SLC25A21: variants seen among roughly 807,000 people sequenced by gnomAD.
SLC25A21 encodes solute carrier family 25 member 21.
Under a neutral mutation model 43.8 loss-of-function variants are expected in SLC25A21, and 47 were observed. The ratio of observed to expected loss-of-function variants is 1.07; its 90% CI spans 0.85 to 1.37. The LOEUF (loss-of-function observed/expected upper bound fraction) is 1.37, where lower values mean the gene tolerates loss of function less well. Among genes scored for constraint, SLC25A21 ranks in the 40% most tolerant of loss-of-function variants. SLC25A21 has a pLI of 0.00. For missense variants in SLC25A21, 352 were observed against 350.2 expected, an observed-to-expected ratio of 1.00 and a Z score of -0.04; for synonymous variants, 131 against 121.3, an observed-to-expected ratio of 1.08 and a Z score of -0.52.
intron 1 of SLC25A21, among the ~76,000 whole-genome samples, chr14:37,110,150 C>A (rs1480170317): frequency 6.6e-6 from 1 of 152,196 alleles, no homozygotes; most frequent in Non-Finnish European, 1.5e-5. Flanking sequence ...GTGAACACTA[C>A]TTCAGACTTT....
intron 1 of SLC25A21, among the ~76,000 whole-genome samples, chr14:37,016,980 T>C (rs1240450139): frequency 1.3e-5 from 2 of 152,104 alleles, no homozygotes; most frequent in African/African-American, 4.8e-5. Flanking sequence ...GGGAAGGCCA[T>C]GGCTCGTTTG....
chr14:37,122,393 G>C (rs60439332), intron 1 of SLC25A21, among the ~76,000 whole-genome samples: 1 of 152,094 alleles, frequency 6.6e-6, no homozygotes, highest in Non-Finnish European at 1.5e-5. Context: ...TCCCTTATTC[G>C]TTCAAAAGAA....
chr14:36,722,096 G>A (rs551902046), intron 6 of SLC25A21, among the ~76,000 whole-genome samples: 2 of 152,232 alleles, frequency 1.3e-5, no homozygotes, highest in East Asian at 1.9e-4. Context: ...TACCCACGTG[G>A]CCATTGAGCA....
intron 1 of SLC25A21, among the ~76,000 whole-genome samples, chr14:37,042,588 A>G (rs1961497566): frequency 6.6e-6 from 1 of 152,226 alleles, no homozygotes; most frequent in Admixed American, 6.5e-5. Flanking sequence ...ATATGTCTGT[A>G]GAAGATAAAT....
At chr14:36,727,007 C>T (rs1405689426) in intron 5 of SLC25A21, among the ~76,000 whole-genome samples, 1 of 152,150 alleles carries the variant, frequency 6.6e-6, no homozygotes, top group Non-Finnish European at 1.5e-5. Context: ...GACAGGAGGT[C>T]TAGGTTTAGG....
At chr14:36,708,776 G>A (rs1883696380) in intron 7 of SLC25A21, among the ~76,000 whole-genome samples, 2 of 144,672 alleles carry the variant, frequency 1.4e-5, no homozygotes, top group African/African-American at 2.6e-5. Flanking sequence ...GTAGCGATGA[G>A]GTCTCACTAT....
At chr14:36,996,435 T>A (rs1960373787) in intron 1 of SLC25A21, among the ~76,000 whole-genome samples, 1 of 152,158 alleles carries the variant, frequency 6.6e-6, no homozygotes, top group Non-Finnish European at 1.5e-5. Context: ...AAGCCTAGAT[T>A]CTTTACTTTC....
intron 1 of SLC25A21, among the ~76,000 whole-genome samples, chr14:36,997,598 G>GTAATCCCCCACTT (rs1960399112): frequency 6.6e-6 from 1 of 152,158 alleles, no homozygotes; most frequent in Non-Finnish European, 1.5e-5. Context: ...GGAAGCTGAG[G>GTAATCCCCCACTT]TGGGTAGATC....
chr14:37,063,061 G>A (rs1033494717), intron 1 of SLC25A21, among the ~76,000 whole-genome samples: 1 of 152,124 alleles, frequency 6.6e-6, no homozygotes, highest in Non-Finnish European at 1.5e-5. Flanking sequence ...GCCCAGCAAA[G>A]GGGGAAGCCC....
chr14:37,041,356 T>C (rs1387468660), intron 1 of SLC25A21, among the ~76,000 whole-genome samples: 1 of 152,138 alleles, frequency 6.6e-6, no homozygotes, highest in African/African-American at 2.4e-5. Flanking sequence ...CCCATGTGCA[T>C]TATCAAAATG....
chr14:36,706,172 A>G (rs778000770), intron 7 of SLC25A21, among the ~76,000 whole-genome samples: 1 of 152,160 alleles, frequency 6.6e-6, no homozygotes, highest in Non-Finnish European at 1.5e-5. Context: ...GGGGGAAAAA[A>G]TTCCTCCTGC....
intron 1 of SLC25A21, among the ~76,000 whole-genome samples, chr14:37,062,058 G>C (rs1701826075): frequency 6.6e-6 from 1 of 152,222 alleles, no homozygotes; most frequent in African/African-American, 2.4e-5. Flanking sequence ...TCCACTGATA[G>C]GTTCTGCTAC....
chr14:36,685,906 A>G (rs533432396), intron 7 of SLC25A21, among the ~76,000 whole-genome samples: 5 of 152,276 alleles, frequency 3.3e-5, no homozygotes, highest in Admixed American at 1.3e-4. Context: ...AAGAGAGGTC[A>G]TATCACATAC....
intron 1 of SLC25A21, among the ~76,000 whole-genome samples, chr14:36,902,347 G>T (rs1463019040): frequency 1.3e-5 from 2 of 152,102 alleles, no homozygotes; most frequent in African/African-American, 4.8e-5. Context: ...CACAGGTAGG[G>T]TCAAAGATGA....
intron 3 of SLC25A21, among the ~76,000 whole-genome samples, chr14:36,745,856 C>T (rs961761880): frequency 1.3e-5 from 2 of 152,038 alleles, no homozygotes; most frequent in African/African-American, 4.8e-5. Flanking sequence ...TGAAAACATG[C>T]TCAACATCAC....
intron 1 of SLC25A21, among the ~76,000 whole-genome samples, chr14:36,974,048 A>T (rs1440006516): frequency 6.6e-6 from 1 of 152,242 alleles, no homozygotes; most frequent in Admixed American, 6.5e-5. Flanking sequence ...CAACATTTTA[A>T]TAAAAGGATT....
At chr14:36,946,116 CAAG>C (rs1254411589) in intron 1 of SLC25A21, among the ~76,000 whole-genome samples, 1 of 152,086 alleles carries the variant, frequency 6.6e-6, no homozygotes, top group East Asian at 1.9e-4. Context: ...AGATTTATAG[CAAG>C]AAGCAAGTAG....
intron 3 of SLC25A21, among the ~76,000 whole-genome samples, chr14:36,764,274 A>C (rs2139286143): frequency 6.6e-6 from 1 of 151,944 alleles, no homozygotes; most frequent in East Asian, 1.9e-4. Flanking sequence ...TCGGTCCAAT[A>C]ACAATGCCAC....
chr14:36,756,356 T>G (rs1184933966), intron 3 of SLC25A21, among the ~76,000 whole-genome samples: 1 of 152,204 alleles, frequency 6.6e-6, no homozygotes, highest in Non-Finnish European at 1.5e-5. Flanking sequence ...CGGCTTCACA[T>G]CTGTCAGCTA....
Sources: gnomAD v4.1 joint callset for allele counts (sites outside exome capture counted in the v4.1 genomes callset) on GRCh38, gnomAD v4.1.1 for gene constraint, MANE v1.5 for transcripts, NCBI Gene and HGNC (gene_info 2026-07-23, HGNC 2026-07-21) for gene names.